NAT1: variants seen among roughly 807,000 people sequenced by gnomAD.
NAT1 encodes the protein N-acetyltransferase 1.
For synonymous variants in NAT1, 144 were observed against 122.6 expected, an observed-to-expected ratio of 1.17 and a Z score of -1.16; for missense variants, 400 against 339.2, an observed-to-expected ratio of 1.18 and a Z score of -1.41.
chr8:18,201,418 C>T (rs1262835396), intron 2 of NAT1, among the ~76,000 whole-genome samples: 1 of 152,090 alleles, frequency 6.6e-6, no homozygotes, highest in Non-Finnish European at 1.5e-5. Flanking sequence ...ATCAGGCATC[C>T]AGGACAGTGA....
At chr8:18,219,278 T>C in intron 1 of NAT1, 133 bp from the exon 2 acceptor site, 3 of 619,368 alleles carry the variant, frequency 4.8e-6, no homozygotes, top group Admixed American at 3.0e-5. Flanking sequence ...AAATGTTCAC[T>C]TTACTGTGCA....
At chr8:18,194,695 C>T (rs991646212) in intron 2 of NAT1, among the ~76,000 whole-genome samples, 1 of 152,038 alleles carries the variant, frequency 6.6e-6, no homozygotes, top group Non-Finnish European at 1.5e-5. Flanking sequence ...TGGCAGGTAC[C>T]TGCAATCCCA....
In NAT1 at chr8:18,222,336, C is replaced by A; in HGVS notation, c.289C>A (p.Pro97Thr). The A allele has an allele frequency of 6.2e-7, 1 of 1,614,060 alleles. No individual in the cohort carries two copies. Among genetic ancestry groups the A allele is most frequent in the Non-Finnish European group, 8.5e-7 (1 of 1,180,002 alleles). ...GTTGGGAGGGTATGTTTACAGCACT[C>A]CAGCCAAAAAATACAGCACTGGCAT... ...TMLGGYVYST[P>T]AKKYSTGMIH... is the part of the protein sequence containing the mutation. Residue 97 changes from proline to threonine, a missense_variant, in exon 3 of 3, where the codon CCA becomes ACA. Pro to Thr is a conservative substitution (Grantham distance 38). Transcript: ENST00000307719.
chr8:18,211,301 T>C (rs901662867), intron 1 of NAT1: 8 of 152,316 alleles, frequency 5.3e-5, no homozygotes, highest in African/African-American at 1.9e-4. Flanking sequence ...CTTTCTACCC[T>C]GGATGCTGCT....
chr8:18,173,806 G>A (rs771743732), intron 2 of NAT1, among the ~76,000 whole-genome samples: 2 of 151,964 alleles, frequency 1.3e-5, no homozygotes, highest in Non-Finnish European at 2.9e-5. Flanking sequence ...AAATATTCTC[G>A]ACTACCCCAT....
At chr8:18,221,587 T>C (rs1331250816) in intron 2 of NAT1, among the ~76,000 whole-genome samples, 1 of 152,186 alleles carries the variant, frequency 6.6e-6, no homozygotes, top group Non-Finnish European at 1.5e-5. Context: ...AGTGAATCAA[T>C]ACAGTTCTTT....
chr8:18,197,152 C>T (rs1323138119), intron 2 of NAT1, among the ~76,000 whole-genome samples: 1 of 152,152 alleles, frequency 6.6e-6, no homozygotes, highest in Non-Finnish European at 1.5e-5. Context: ...CCTCCAAGAT[C>T]CATGAACCAC....
intron 2 of NAT1, among the ~76,000 whole-genome samples, chr8:18,195,686 C>G (rs1052969805): frequency 6.6e-6 from 1 of 152,062 alleles, no homozygotes; most frequent in Non-Finnish European, 1.5e-5. Context: ...ACCACACGAT[C>G]CCACTACTAA....
At chr8:18,205,513 G>A (rs1237151085), upstream of NAT1, among the ~76,000 whole-genome samples, 1 of 152,158 alleles carries the variant, frequency 6.6e-6, no homozygotes. Flanking sequence ...GGGCAGGGCT[G>A]GCTGGCTCTG....
At chr8:18,181,150 AT>A (rs530183487) in intron 2 of NAT1, among the ~76,000 whole-genome samples, 1 of 151,890 alleles carries the variant, frequency 6.6e-6, no homozygotes, top group Non-Finnish European at 1.5e-5. Flanking sequence ...ATATCTTTCC[AT>A]TTTTTGGGTC....
intron 2 of NAT1, among the ~76,000 whole-genome samples, chr8:18,171,157 G>GGTCAGAC (rs1449317427): frequency 6.6e-6 from 1 of 152,130 alleles, no homozygotes; most frequent in African/African-American, 2.4e-5. Context: ...AGTCTGACTG[G>GGTCAGAC]GTCAGACAGA....
chr8:18,175,746 G>A (rs1272972542), intron 2 of NAT1, among the ~76,000 whole-genome samples: 2 of 152,008 alleles, frequency 1.3e-5, no homozygotes, highest in South Asian at 4.2e-4. Flanking sequence ...CAATTCCTGG[G>A]TCATATGGTA....
intron 2 of NAT1, among the ~76,000 whole-genome samples, chr8:18,179,463 A>G (rs1802423108): frequency 6.6e-6 from 1 of 152,198 alleles, no homozygotes; most frequent in Admixed American, 6.6e-5. Flanking sequence ...AGTGGCATGC[A>G]TCACCTTCAC....
Position 18,181,654 on chromosome 8 carries a change from C to T in NAT1, n.92+10915C>T, listed in dbSNP as rs147087574. On this transcript the variant is annotated intron_variant and non_coding_transcript_variant, in intron 2 of 4. Transcript: ENST00000517441. ...TGAAAGTGGGCATACTTGTCTTGTT[C>T]CAGATCTTAGGGCATAGGCTTTAAT... 5.9e-3 allele frequency among the ~76,000 whole-genome samples: 897 copies of T among 152,196 alleles called. 3 individuals are homozygous for T. The highest frequency in any genetic ancestry group is 9.3e-3 in the Non-Finnish European group (630 of 67,994).
intron 2 of NAT1, among the ~76,000 whole-genome samples, chr8:18,188,695 C>CTTTTAGAATAGATATTTAGATA (rs1802845158): frequency 6.6e-6 from 1 of 150,930 alleles, no homozygotes; most frequent in South Asian, 2.1e-4. Context: ...AATAGATATA[C>CTTTTAGAATAGATATTTAGATA]CTACTTTTAG....
At chr8:18,210,615 C>G (rs1171729175) in intron 1 of NAT1, among the ~76,000 whole-genome samples, 5 of 152,204 alleles carry the variant, frequency 3.3e-5, no homozygotes, top group African/African-American at 7.2e-5. Flanking sequence ...CTCCTCTGTC[C>G]CCAGTGGTGT....
chr8:18,178,944 C>G (rs895529154), intron 2 of NAT1, among the ~76,000 whole-genome samples: 1 of 152,274 alleles, frequency 6.6e-6, no homozygotes, highest in Admixed American at 6.5e-5. Flanking sequence ...AAGTGTTCTC[C>G]TCCAAACACT....
At chr8:18,178,106 G>A (rs1802362447) in intron 2 of NAT1, among the ~76,000 whole-genome samples, 1 of 152,056 alleles carries the variant, frequency 6.6e-6, no homozygotes, top group African/African-American at 2.4e-5. Context: ...GAGGGAGATG[G>A]GAAATGGCAA....
intron 2 of NAT1, among the ~76,000 whole-genome samples, chr8:18,194,161 G>A (rs1466438723): frequency 6.6e-6 from 1 of 152,098 alleles, no homozygotes; most frequent in Non-Finnish European, 1.5e-5. Context: ...GGAGGTGGGG[G>A]AGTGCCGACC....
Sources: allele counts gnomAD v4.1 joint callset (sites outside exome capture counted in the v4.1 genomes callset), GRCh38; gene constraint gnomAD v4.1.1; transcripts MANE v1.5; gene names NCBI Gene and HGNC (gene_info 2026-07-23, HGNC 2026-07-21).